Variants in DGCR8 observed in about 807,000 individuals in gnomAD.
DGCR8 encodes DGCR8 microprocessor complex subunit, also known as microprocessor complex subunit DGCR8.
DGCR8 carries 14 observed loss-of-function variants against 78.5 expected under a neutral mutation model. The ratio of observed to expected loss-of-function variants is 0.18; its 90% confidence interval spans 0.12 to 0.28. The LOEUF (loss-of-function observed/expected upper bound fraction) is 0.28. Among genes scored for constraint, DGCR8 ranks in the 10% least tolerant of loss-of-function variants. DGCR8 has a pLI of 1.00. For synonymous variants in DGCR8, 399 were observed against 402.4 expected (o/e 0.99, Z 0.10); for missense variants, 702 against 1,022.5 (o/e 0.69, Z 4.28).
At position 20,089,861 on chromosome 22, in the gene DGCR8, AACGTGC is replaced by A. The variant is rs2049531254; in HGVS notation, c.1023+53_1023+58del. The A allele has an allele frequency of 6.2e-7, 1 of 1,607,538 alleles. No individual in the cohort carries two copies. Reference sequence around the variant, plus strand: ...TTAGGCTTGTAAGTTCTCAGACCAAAACGTGCACATCCACACACATGGCACCGCAGC... The same window carrying A: ...TTAGGCTTGTAAGTTCTCAGACCAAAACATCCACACACATGGCACCGCAGC... On this transcript the variant is annotated intron_variant, in intron 4 of 13. Coordinates refer to ENST00000351989, the MANE Select transcript of DGCR8 (RefSeq NM_022720.7). The surrounding 1 kb of genome is among the most constrained non-coding windows in gnomAD (Gnocchi z 4.9).
chr22:20,107,197 T>G, intron 11 of DGCR8, 74 bp from the exon 12 acceptor site: 1 of 1,586,332 alleles, frequency 6.3e-7, no homozygotes, highest in East Asian at 2.2e-5. Context: ...TCAGGAGGGC[T>G]GGGAGCGGCA....
intron 3 of DGCR8, among the ~76,000 whole-genome samples, chr22:20,088,092 C>G (rs571629422): frequency 4.6e-5 from 7 of 152,108 alleles, no homozygotes; most frequent in East Asian, 1.9e-4. Flanking sequence ...TGGCAGGGTG[C>G]GACTGGGAGC....
At chr22:20,080,834 G>A (rs202030853) in intron 1 of DGCR8, 1 of 152,300 alleles carries the variant, frequency 6.6e-6, no homozygotes, top group Non-Finnish European at 1.5e-5. Context: ...TTGTAACAAT[G>A]AGCATGGCGG....
rs2147941965 is a variant in DGCR8 at position 20,107,524 on chromosome 22, G to A, written c.2124+126G>A. 4 of 1,228,666 alleles carry A rather than the reference G, an allele frequency of 3.3e-6. No individual in the cohort carries two copies. In the East Asian group the frequency reaches 7.1e-5, roughly 22 times the overall value. The allele number at this position is 1,228,666 out of a possible 1,614,324, so 76.1% of individuals were successfully genotyped here. A position where few individuals can be genotyped will look rare whatever the true frequency, so the allele number is the denominator to read the frequency against. On this transcript the variant is annotated intron_variant, in intron 12 of 13. Coordinates refer to ENST00000351989, the MANE Select transcript of DGCR8 (RefSeq NM_022720.7). ...TGTTGCTCACAGCTGCCTCTCTCCTGGGCCACTTGTGTGGCTTTGTGGGCA... is the reference window on the plus strand; with the variant it reads ...TGTTGCTCACAGCTGCCTCTCTCCTAGGCCACTTGTGTGGCTTTGTGGGCA...
chr22:20,097,609 C>G (rs950531500), intron 9 of DGCR8, among the ~76,000 whole-genome samples: 1 of 152,174 alleles, frequency 6.6e-6, no homozygotes, highest in Admixed American at 6.5e-5. Flanking sequence ...CATCACAGGT[C>G]TCTGAGGCTC....
chr22:20,097,292 A>G lies in DGCR8; in HGVS notation c.1788+2497A>G, dbSNP rs1315800534. Among the ~76,000 whole-genome samples the G allele has an allele frequency of 3.3e-5, 5 of 152,160 alleles. No homozygotes were observed. The East Asian group carries it at 9.7e-4, about 29-fold the overall frequency. On this transcript the variant is annotated intron_variant, in intron 9 of 13. Coordinates refer to ENST00000351989, the MANE Select transcript of DGCR8 (RefSeq NM_022720.7). Reference sequence around the variant, plus strand: ...TGTTTTGTAGACTGCGTTCAGTGAAACCTTCTGGTCCCAGGCTTTTCTTTG... The same window carrying G: ...TGTTTTGTAGACTGCGTTCAGTGAAGCCTTCTGGTCCCAGGCTTTTCTTTG...
Position 20,101,912 on chromosome 22 carries a change from G to A in DGCR8, c.1789-4265G>A, listed in dbSNP as rs990570612. 1.4e-5 allele frequency: 14 copies of A among 985,398 alleles called. No individual in the cohort carries two copies. The Admixed American group carries it at 8.6e-4, about 61-fold the overall frequency. 61.0% of individuals were successfully genotyped at this position (985,398 alleles called of 1,614,324 possible). A position where few individuals can be genotyped will look rare whatever the true frequency, so the allele number is the denominator to read the frequency against. Reference sequence around the variant, plus strand: ...TCAGGAGGGGCGGGTTGATGCCTGTGAGGTGTGGTGGCCACGCGTGTATGC... The same window carrying A: ...TCAGGAGGGGCGGGTTGATGCCTGTAAGGTGTGGTGGCCACGCGTGTATGC... On this transcript the variant is annotated intron_variant, in intron 9 of 13. Coordinates refer to ENST00000351989, the MANE Select transcript of DGCR8 (RefSeq NM_022720.7).
intron 9 of DGCR8, chr22:20,102,170 T>C (rs549955117): frequency 1.0e-4 from 63 of 628,178 alleles, no homozygotes; most frequent in Non-Finnish European, 1.2e-4. Flanking sequence ...TACACAGTCA[T>C]GTAACCAACA....
chr22:20,102,184 C>T (rs2049710962), intron 9 of DGCR8: 2 of 487,256 alleles, frequency 4.1e-6, no homozygotes, highest in African/African-American at 2.1e-5. Context: ...ACCAACACTG[C>T]AATCAAGATG....
At chr22:20,102,658 T>G in intron 9 of DGCR8, among the ~76,000 whole-genome samples, 1 of 152,214 alleles carries the variant, frequency 6.6e-6, no homozygotes, top group East Asian at 1.9e-4. Flanking sequence ...GTGTCTGTTT[T>G]GGGGCTGTCT....
intron 12 of DGCR8, chr22:20,108,537 C>T (rs534621485): frequency 2.0e-4 from 52 of 258,328 alleles, no homozygotes; most frequent in Non-Finnish European, 3.3e-4. Context: ...GCGTGCTGTT[C>T]TTACTGGCTA....
rs762589425 is a variant in DGCR8, at chr22:20,089,682, A to G, written c.894A>G (p.Pro298=). Residue 298 remains proline, a synonymous_variant, in exon 4 of 14, where the codon CCA becomes CCG. Coordinates refer to ENST00000351989, the MANE Select transcript of DGCR8 (RefSeq NM_022720.7). This position sits in a 1 kb window ranked among gnomAD's most constrained non-coding sequence, Gnocchi z 4.9. ...CTTCCTGTGCAGGTCGTGGCCGCCC[A>G]CCTACAGAGCCGCTGCCCGACGGGT... ...IKTVLKSRGR[P]PTEPLPDGWI... is the part of the protein sequence containing the mutation. The G allele has an allele frequency of 4.0e-5, 65 of 1,613,758 alleles. No individual in the cohort carries two copies. Among genetic ancestry groups the G allele is most frequent in the Middle Eastern group, 1.6e-4 (1 of 6,078 alleles).
At chr22:20,101,282 T>TA in intron 9 of DGCR8, 1 of 985,348 alleles carries the variant, frequency 1.0e-6, no homozygotes, top group Non-Finnish European at 1.2e-6. Context: ...TATTTGTATA[T>TA]ATGTCATCTG....
At chr22:20,095,192 AC>A (rs1034576732) in intron 9 of DGCR8, among the ~76,000 whole-genome samples, 1 of 151,506 alleles carries the variant, frequency 6.6e-6, no homozygotes, top group African/African-American at 2.4e-5. Context: ...TGCAACTTTC[AC>A]CTCCCGGATT....
At chr22:20,088,153 A>G (rs2049511206) in intron 3 of DGCR8, among the ~76,000 whole-genome samples, 1 of 152,076 alleles carries the variant, frequency 6.6e-6, no homozygotes. Context: ...CATTGAGGGG[A>G]CAAGTTAGCT....
Position 20,089,847 on chromosome 22 carries a change from A to T in DGCR8, c.1023+36A>T. 6.2e-7 allele frequency: 1 copy of T among 1,610,298 alleles called. No individual in the cohort carries two copies. The highest frequency in any genetic ancestry group is 8.5e-7 in the Non-Finnish European group (1 of 1,177,712). On this transcript the variant is annotated intron_variant, in intron 4 of 13. Transcript: ENST00000351989. This position sits in a 1 kb window ranked among gnomAD's most constrained non-coding sequence, Gnocchi z 4.9. ...CATCAGTCGTGACTTTAGGCTTGTA[A>T]GTTCTCAGACCAAAACGTGCACATC...
intron 8 of DGCR8, among the ~76,000 whole-genome samples, chr22:20,093,666 A>C (rs1359477246): frequency 6.6e-6 from 1 of 152,188 alleles, no homozygotes; most frequent in Non-Finnish European, 1.5e-5. Context: ...CTCCCACTCC[A>C]TGTTTGGGCC....
chr22:20,091,134 A>G (rs2049553733), intron 5 of DGCR8, among the ~76,000 whole-genome samples: 1 of 152,236 alleles, frequency 6.6e-6, no homozygotes, highest in Non-Finnish European at 1.5e-5. Flanking sequence ...GTTTTGATAC[A>G]GGGAGGAAGT....
intron 9 of DGCR8, among the ~76,000 whole-genome samples, chr22:20,103,438 T>C (rs1271798156): frequency 6.6e-6 from 1 of 152,242 alleles, no homozygotes; most frequent in African/African-American, 2.4e-5. Flanking sequence ...TTGTTTTATT[T>C]GCACTGATTT....
Sources: allele counts gnomAD v4.1 joint callset (sites outside exome capture counted in the v4.1 genomes callset), GRCh38; gene constraint gnomAD v4.1.1; non-coding constraint Gnocchi (gnomAD v3.1); transcripts MANE v1.5; gene names NCBI Gene and HGNC (gene_info 2026-07-23, HGNC 2026-07-21).